The following EFCAB7 variants were observed in gnomAD, a reference collection of about 807,000 sequenced individuals.
EFCAB7 encodes the protein EF-hand calcium binding domain 7.
In EFCAB7, 66 loss-of-function variants were observed where a neutral mutation model predicts 77.1. That is an observed-to-expected ratio of 0.86 (90% CI 0.70 to 1.05). EFCAB7 has a LOEUF of 1.05. Ranked by LOEUF, EFCAB7 falls within the 50% of genes least tolerant of loss-of-function variation. EFCAB7 has a pLI of 0.00. For synonymous variants in EFCAB7, 225 were observed against 243.3 expected (o/e 0.92, Z 0.70); for missense variants, 638 against 730.5 (o/e 0.87, Z 1.46).
intron 7 of EFCAB7, chr1:63,549,754 AT>A (rs1469878241): frequency 5.7e-6 from 1 of 176,172 alleles, no homozygotes; most frequent in Non-Finnish European, 1.2e-5. Flanking sequence ...CCTATATGCA[AT>A]GAAAAATATA....
In EFCAB7 at chr1:63,555,345, G is replaced by C. The variant is rs757338087; in HGVS notation, c.1057-13G>C. 8 of 1,596,938 alleles carry C rather than the reference G, an allele frequency of 5.0e-6. No individual in the cohort carries two copies. In the South Asian group the frequency reaches 9.0e-5, roughly 18 times the overall value. ...AGACTGATGATTGTTTTATTTCATTGTTTTGAGAAAAGGTGTTTGGATGGA... is the reference window on the plus strand; with the variant it reads ...AGACTGATGATTGTTTTATTTCATTCTTTTGAGAAAAGGTGTTTGGATGGA... On this transcript the variant is annotated splice_polypyrimidine_tract_variant and intron_variant, in intron 8 of 13. Transcript: ENST00000371088.
intron 11 of EFCAB7, among the ~76,000 whole-genome samples, chr1:63,563,225 T>G (rs985439823): frequency 5.3e-5 from 8 of 152,244 alleles, no homozygotes; most frequent in Non-Finnish European, 7.3e-5. Context: ...GAAGGATTTC[T>G]GAGCTAACAT....
chr1:63,540,866 A>G (rs1489390831), intron 6 of EFCAB7, among the ~76,000 whole-genome samples: 1 of 152,126 alleles, frequency 6.6e-6, no homozygotes, highest in African/African-American at 2.4e-5. Flanking sequence ...CAGTTTAAGA[A>G]GAAATTTCCA....
intron 11 of EFCAB7, among the ~76,000 whole-genome samples, chr1:63,562,981 T>A (rs920181518): frequency 5.3e-5 from 8 of 152,150 alleles, no homozygotes; most frequent in Admixed American, 3.9e-4. Context: ...GGTTCTCTAT[T>A]CTTTCCCCAT....
At position 63,572,542 on chromosome 1, in the gene EFCAB7, CTA is replaced by C; in HGVS notation, c.*27_*28del. 2.2e-6 allele frequency: 3 copies of C among 1,384,938 alleles called. No individual in the cohort carries two copies. Among genetic ancestry groups the C allele is most frequent in the Non-Finnish European group, 2.9e-6 (3 of 1,033,146 alleles). 85.8% of individuals were successfully genotyped at this position (1,384,938 alleles called of 1,614,324 possible). ...ATAATTATACTTAGAACTTACCAAA[CTA>C]AGAATTATTTCAGATTTAGTCTGTT... On this transcript the variant is annotated 3_prime_UTR_variant, in exon 14 of 14. Transcript: ENST00000371088.
downstream of EFCAB7, among the ~76,000 whole-genome samples, chr1:63,574,933 A>G (rs755141848): frequency 3.6e-4 from 55 of 152,340 alleles, no homozygotes; most frequent in Middle Eastern, 3.4e-3. Flanking sequence ...TCTTGGAAGG[A>G]TAGTTGGATA....
At chr1:63,546,328 GAA>G (rs551617933) in intron 7 of EFCAB7, among the ~76,000 whole-genome samples, 1 of 150,078 alleles carries the variant, frequency 6.7e-6, no homozygotes, top group Non-Finnish European at 1.5e-5. Flanking sequence ...GAAAATAAAA[GAA>G]AAAAAATGTT....
chr1:63,531,256 G>A (rs1402037089), intron 2 of EFCAB7, among the ~76,000 whole-genome samples: 1 of 151,594 alleles, frequency 6.6e-6, no homozygotes, highest in Non-Finnish European at 1.5e-5. Flanking sequence ...TTTTTTTTAA[G>A]ATTCCACACA....
At chr1:63,533,931 A>T (rs1348959762) in intron 5 of EFCAB7, among the ~76,000 whole-genome samples, 164 bp from the exon 6 acceptor site, 2 of 152,174 alleles carry the variant, frequency 1.3e-5, no homozygotes, top group Non-Finnish European at 2.9e-5. Flanking sequence ...TAAATTAGGG[A>T]TCATTAAAGC....
chr1:63,534,252 A>G, intron 6 of EFCAB7, 36 bp downstream of exon 6: 1 of 1,584,270 alleles, frequency 6.3e-7, no homozygotes, highest in Non-Finnish European at 8.6e-7. Flanking sequence ...ACTTTTTCTG[A>G]AAAAAATTTG....
At chr1:63,545,780 C>A in intron 6 of EFCAB7, 136 bp from the exon 7 acceptor site, 1 of 752,208 alleles carries the variant, frequency 1.3e-6, no homozygotes, top group Non-Finnish European at 2.2e-6. Context: ...TACCTCCTAA[C>A]TATGTTGCAC....
At chr1:63,571,264 T>C in intron 13 of EFCAB7, 136 bp downstream of exon 13, 3 of 613,074 alleles carry the variant, frequency 4.9e-6, no homozygotes, top group Middle Eastern at 9.0e-4. Context: ...TCAGTATCAT[T>C]CTATACTCAG....
intron 12 of EFCAB7, 148 bp downstream of exon 12, chr1:63,568,667 T>C: frequency 1.8e-6 from 1 of 568,750 alleles, no homozygotes; most frequent in Non-Finnish European, 2.8e-6. Context: ...CTCCTCAGGT[T>C]TCTAACTCAA....
At chr1:63,546,428 G>A (rs1198086729) in intron 7 of EFCAB7, among the ~76,000 whole-genome samples, 1 of 151,402 alleles carries the variant, frequency 6.6e-6, no homozygotes, top group Admixed American at 6.6e-5. Flanking sequence ...GCAGTGGCTC[G>A]ATCTTGGCTC....
intron 10 of EFCAB7, among the ~76,000 whole-genome samples, chr1:63,560,281 G>C (rs1378694755): frequency 6.6e-6 from 1 of 151,894 alleles, no homozygotes; most frequent in Non-Finnish European, 1.5e-5. Context: ...AATTAATGAG[G>C]ATTGAGAATT....
chr1:63,528,206 A>C (rs533242658), intron 2 of EFCAB7, among the ~76,000 whole-genome samples: 1 of 152,200 alleles, frequency 6.6e-6, no homozygotes, highest in African/African-American at 2.4e-5. Context: ...GGATAAAAAT[A>C]AAAAAAGTGG....
Position 63,528,924 on chromosome 1 carries a change from T to C in EFCAB7, c.188-2896T>C, listed in dbSNP as rs560598373. 5.8e-4 allele frequency among the ~76,000 whole-genome samples: 89 copies of C among 152,224 alleles called. 1 individual carries two copies. Among genetic ancestry groups the C allele is most frequent in the African/African-American group, 2.0e-3 (82 of 41,550 alleles). ...AGTGTAGCAATATGATAAACATCTT[T>C]GCACACTAAGCCTTTTTAAAATAAA... On this transcript the variant is annotated intron_variant, in intron 2 of 13. Coordinates refer to ENST00000371088, the MANE Select transcript of EFCAB7 (RefSeq NM_032437.4).
At chr1:63,531,522 T>A (rs1263190690) in intron 2 of EFCAB7, among the ~76,000 whole-genome samples, 1 of 152,168 alleles carries the variant, frequency 6.6e-6, no homozygotes, top group African/African-American at 2.4e-5. Context: ...TCTTAAGTAA[T>A]CAGATATTGT....
intron 6 of EFCAB7, among the ~76,000 whole-genome samples, chr1:63,538,547 G>A (rs923374134): frequency 2.0e-5 from 3 of 151,724 alleles, no homozygotes; most frequent in Admixed American, 6.6e-5. Flanking sequence ...TCCGCCTCCC[G>A]AGTTCGAGTG....
Sources: gnomAD v4.1 joint callset for allele counts (sites outside exome capture counted in the v4.1 genomes callset) on GRCh38, gnomAD v4.1.1 for gene constraint, MANE v1.5 for transcripts, NCBI Gene and HGNC (gene_info 2026-07-23, HGNC 2026-07-21) for gene names.